ZNF804A: variants seen among roughly 807,000 people sequenced by gnomAD.
ZNF804A encodes zinc finger protein 804A.
In ZNF804A, 2 loss-of-function variants were observed where a neutral mutation model predicts 16.5. That is an observed-to-expected ratio of 0.12 (90% CI 0.05 to 0.38). ZNF804A has a LOEUF of 0.38. Among genes scored for constraint, ZNF804A ranks in the 10% least tolerant of loss-of-function variants. ZNF804A has a pLI of 0.99. For synonymous variants in ZNF804A, 534 were observed against 489.6 expected (o/e 1.09, Z -1.20); for missense variants, 1,473 against 1,390.7 (o/e 1.06, Z -0.94).
intron 1 of ZNF804A, among the ~76,000 whole-genome samples, chr2:184,635,023 T>TA (rs1427828229): frequency 5.9e-5 from 9 of 152,200 alleles, no homozygotes; most frequent in African/African-American, 2.2e-4. Context: ...TTCCTTGCAT[T>TA]AAAGAGTGGT....
At chr2:184,827,812 A>G (rs1425671828) in intron 1 of ZNF804A, among the ~76,000 whole-genome samples, 2 of 151,612 alleles carry the variant, frequency 1.3e-5, no homozygotes, top group Non-Finnish European at 3.0e-5. Context: ...ATATCCATTC[A>G]CCTGGTAATG....
chr2:184,936,282 A>C lies in ZNF804A; in HGVS notation c.886A>C (p.Ile296Leu). ...RDKETVQTQE[I>L]KEVSSEKDAL... The stretch of plus-strand genomic sequence containing the variant: ...CAAAGAAACTGTTCAAACTCAAGAG[A>C]TAAAAGAAGTCTCTAGTGAAAAAGA... The change falls in exon 4 of 4, where the codon ATA becomes CTA. Residue 296 changes from isoleucine (I) to leucine (L), a missense_variant. Coordinates refer to ENST00000302277, the MANE Select transcript of ZNF804A (RefSeq NM_194250.2). The C allele has an allele frequency of 6.2e-7, 1 of 1,613,952 alleles. No homozygotes were observed. The highest frequency in any genetic ancestry group is 1.1e-5 in the South Asian group (1 of 91,076).
intron 1 of ZNF804A, among the ~76,000 whole-genome samples, chr2:184,757,703 T>A (rs1357884722): frequency 6.6e-6 from 1 of 152,072 alleles, no homozygotes; most frequent in African/African-American, 2.4e-5. Context: ...TCTGAAATTA[T>A]GTTTAATTTG....
chr2:184,602,977 A>G (rs1436466200), intron 1 of ZNF804A, among the ~76,000 whole-genome samples: 1 of 152,170 alleles, frequency 6.6e-6, no homozygotes, highest in Non-Finnish European at 1.5e-5. Context: ...GTGGATAAGT[A>G]GTGCCAGATT....
chr2:184,625,560 G>C (rs1691481466), intron 1 of ZNF804A, among the ~76,000 whole-genome samples: 2 of 152,118 alleles, frequency 1.3e-5, no homozygotes, highest in Non-Finnish European at 2.9e-5. Context: ...TATGTGGACA[G>C]ATGGAGAAAT....
chr2:184,638,519 A>C (rs1691740708), intron 1 of ZNF804A, among the ~76,000 whole-genome samples: 2 of 152,172 alleles, frequency 1.3e-5, no homozygotes, highest in South Asian at 4.1e-4. Flanking sequence ...GGTATTCTTT[A>C]GTCAGTACAA....
intron 1 of ZNF804A, among the ~76,000 whole-genome samples, chr2:184,628,709 C>T (rs903632777): frequency 1.3e-5 from 2 of 151,826 alleles, no homozygotes; most frequent in South Asian, 2.1e-4. Flanking sequence ...GGTACAGAAT[C>T]GTGGTATTTC....
intron 2 of ZNF804A, among the ~76,000 whole-genome samples, chr2:184,877,194 TA>T (rs1684708821): frequency 6.6e-6 from 1 of 152,176 alleles, no homozygotes; most frequent in Non-Finnish European, 1.5e-5. Context: ...ATGCACTTTT[TA>T]AATGACCATC....
At chr2:184,748,199 A>C (rs1423397866) in intron 1 of ZNF804A, among the ~76,000 whole-genome samples, 1 of 151,458 alleles carries the variant, frequency 6.6e-6, no homozygotes, top group East Asian at 1.9e-4. Flanking sequence ...AGATATCTCC[A>C]AATTGCTTAC....
At chr2:184,864,966 TG>T (rs1244331938) in intron 1 of ZNF804A, among the ~76,000 whole-genome samples, 1 of 146,170 alleles carries the variant, frequency 6.8e-6, no homozygotes, top group African/African-American at 2.6e-5. Flanking sequence ...CTGCAACCTC[TG>T]CCTCCCACGT....
intron 1 of ZNF804A, among the ~76,000 whole-genome samples, chr2:184,649,819 C>T (rs1367789391): frequency 7.0e-6 from 1 of 143,220 alleles, no homozygotes; most frequent in Admixed American, 6.9e-5. Flanking sequence ...TTTAAAAAAC[C>T]TACAAATCAA....
chr2:184,747,993 G>A (rs1693818869), intron 1 of ZNF804A, among the ~76,000 whole-genome samples: 1 of 150,110 alleles, frequency 6.7e-6, no homozygotes, highest in Non-Finnish European at 1.5e-5. Context: ...TTTTTTTATG[G>A]CTCCATATGT....
chr2:184,658,436 G>A (rs1305976898), intron 1 of ZNF804A, among the ~76,000 whole-genome samples: 1 of 152,184 alleles, frequency 6.6e-6, no homozygotes, highest in East Asian at 1.9e-4. Context: ...TTGTGCCACT[G>A]CACTCCAGCC....
Position 184,909,802 on chromosome 2 carries a change from T to C in ZNF804A, c.256-23801T>C, listed in dbSNP as rs143779207. 3.7e-3 allele frequency among the ~76,000 whole-genome samples: 564 copies of C among 152,088 alleles called. 3 individuals carry two copies. Among genetic ancestry groups the C allele is most frequent in the African/African-American group, 0.013 (543 of 41,546 alleles). ...TAAGAAGACAACTGATACTGAGGAA[T>C]AGGCAGTATATGTGTTTTACATATG... On this transcript the variant is annotated intron_variant, in intron 2 of 3. Transcript: ENST00000302277.
At chr2:184,883,649 T>C (rs1684843173) in intron 2 of ZNF804A, among the ~76,000 whole-genome samples, 1 of 151,878 alleles carries the variant, frequency 6.6e-6, no homozygotes, top group Non-Finnish European at 1.5e-5. Context: ...GTTCAACAAA[T>C]GTAAGTCAAT....
chr2:184,872,732 T>C (rs552051605), intron 2 of ZNF804A, among the ~76,000 whole-genome samples: 1 of 152,268 alleles, frequency 6.6e-6, no homozygotes, highest in Non-Finnish European at 1.5e-5. Context: ...AATGTCAGTA[T>C]TTTTTTGTGA....
rs560833402 is a variant in ZNF804A at position 184,679,473 on chromosome 2, G to A, written c.111+80403G>A. Among the ~76,000 whole-genome samples, 7 of 152,120 alleles carry A rather than the reference G, an allele frequency of 4.6e-5. 1 individual carries two copies. The South Asian group carries it at 6.2e-4, about 14-fold the overall frequency. The stretch of plus-strand genomic sequence containing the variant: ...GTGGGGCAGGAGCCCCACCCTCCCC[G>A]GTGCAGCTACTACTGCCCAGCCACT... On this transcript the variant is annotated intron_variant, in intron 1 of 3. Coordinates refer to ENST00000302277, the MANE Select transcript of ZNF804A (RefSeq NM_194250.2).
chr2:184,917,981 T>A (rs112251998), intron 2 of ZNF804A, among the ~76,000 whole-genome samples: 1 of 152,162 alleles, frequency 6.6e-6, no homozygotes, highest in East Asian at 1.9e-4. Flanking sequence ...ATTCCTTGAC[T>A]AGTGGGATGC....
Position 184,654,051 on chromosome 2 carries a change from G to C in ZNF804A, c.111+54981G>C, listed in dbSNP as rs575456411. Among the ~76,000 whole-genome samples, 10 of 152,292 alleles carry C rather than the reference G, an allele frequency of 6.6e-5. No individual in the cohort carries two copies. The South Asian group carries it at 2.1e-3, about 32-fold the overall frequency. ...ATAACTGCCAGACCATCACCTGATG[G>C]TCATCTGACATTCCTGGTGGGTCGG... On this transcript the variant is annotated intron_variant, in intron 1 of 3. Transcript: ENST00000302277.
Sources: allele counts gnomAD v4.1 joint callset (sites outside exome capture counted in the v4.1 genomes callset), GRCh38; gene constraint gnomAD v4.1.1; transcripts MANE v1.5; gene names NCBI Gene and HGNC (gene_info 2026-07-23, HGNC 2026-07-21).